NATD1: variants seen among roughly 807,000 people sequenced by gnomAD.
NATD1 encodes protein NATD1.
In NATD1, 9 loss-of-function variants were observed where a neutral mutation model predicts 12.0. That is an observed-to-expected ratio of 0.75 (90% CI 0.45 to 1.30). The LOEUF (loss-of-function observed/expected upper bound fraction) is 1.30, where lower values mean the gene tolerates loss of function less well. Among genes scored for constraint, NATD1 ranks in the 50% most tolerant of loss-of-function variants. The probability of loss-of-function intolerance (pLI) is 0.00; values close to 1 mark genes in which losing one functional copy is unlikely to be tolerated. For synonymous variants in NATD1, 71 were observed against 65.9 expected, an observed-to-expected ratio of 1.08 and a Z score of -0.37; for missense variants, 148 against 148.5, an observed-to-expected ratio of 1.00 and a Z score of 0.02.
rs1292806844 is a variant in NATD1 at position 21,244,337 on chromosome 17, C to T, written c.107-113G>A. The T allele has an allele frequency of 1.3e-6, 1 of 772,312 alleles. No homozygotes were observed. 47.8% of individuals were successfully genotyped at this position (772,312 alleles called of 1,614,324 possible). Reference sequence around the variant, plus strand: ...AGTCATTCAGCTGCTACAGCTGAATCCTGAATAACCTCTCAGTGCCTCAGT... The same window carrying T: ...AGTCATTCAGCTGCTACAGCTGAATTCTGAATAACCTCTCAGTGCCTCAGT... On this transcript the variant is annotated intron_variant, in intron 1 of 2. Coordinates refer to ENST00000611551, the MANE Select transcript of NATD1 (RefSeq NM_152914.3). The surrounding 1 kb of genome is among the most constrained non-coding windows in gnomAD (Gnocchi z 5.2).
rs1567643909 is a variant in NATD1 at position 21,240,703 on chromosome 17, T to TCTCGCCCAGGTGCATAAACCAGGG, written c.*2609_*2610insCCCTGGTTTATGCACCTGGGCGAG. 1.3e-5 allele frequency: 2 copies of TCTCGCCCAGGTGCATAAACCAGGG among 152,578 alleles called. No individual in the cohort carries two copies. The highest frequency in any genetic ancestry group is 4.8e-5 in the African/African-American group (2 of 41,440). 9.5% of individuals were successfully genotyped at this position (152,578 alleles called of 1,614,324 possible). A position where few individuals can be genotyped will look rare whatever the true frequency, so the allele number is the denominator to read the frequency against. On this transcript the variant is annotated 3_prime_UTR_variant, in exon 3 of 3. Coordinates refer to ENST00000611551, the MANE Select transcript of NATD1 (RefSeq NM_152914.3). The stretch of plus-strand genomic sequence containing the variant: ...TGAGCATCCCCTGCCCCAGTCAGGT[T>TCTCGCCCAGGTGCATAAACCAGGG]CTCGCCCAGGTGCATAAACCGGCCC...
rs577075927 is a variant in NATD1, at chr17:21,241,233, CTT to C, written c.*2078_*2079del. 3.3e-5 allele frequency: 5 copies of C among 152,262 alleles called. No homozygotes were observed. Among genetic ancestry groups the C allele is most frequent in the African/African-American group, 9.7e-5 (4 of 41,418 alleles). The allele number at this position is 152,262 out of a possible 1,614,324, so 9.4% of individuals were successfully genotyped here. A position where few individuals can be genotyped will look rare whatever the true frequency, so the allele number is the denominator to read the frequency against. ...CCTCAGGGGCTTCCTGTGGGGGACT[CTT>C]TGTGCTGTCACTGCAAGGGACCCTC... is the stretch of plus-strand genomic sequence containing the variant. On this transcript the variant is annotated 3_prime_UTR_variant, in exon 3 of 3. Coordinates refer to ENST00000611551, the MANE Select transcript of NATD1 (RefSeq NM_152914.3).
At chr17:21,243,692 G>A (rs1010946630) in intron 2 of NATD1, among the ~76,000 whole-genome samples, 1 of 152,194 alleles carries the variant, frequency 6.6e-6, no homozygotes, top group Admixed American at 6.5e-5. Context: ...TTCTCCTGGC[G>A]GGGTGGGGGT....
intron 1 of NATD1, among the ~76,000 whole-genome samples, chr17:21,247,104 T>G (rs1597784813): frequency 6.6e-6 from 1 of 152,264 alleles, no homozygotes; most frequent in South Asian, 2.1e-4. Context: ...GCGTCAGTGT[T>G]TCTGGAGTAG....
chr17:21,250,911 A>G (rs117490069), intron 1 of NATD1, among the ~76,000 whole-genome samples: 1 of 152,336 alleles, frequency 6.6e-6, no homozygotes, highest in Non-Finnish European at 1.5e-5. Context: ...TGGGCACAAC[A>G]GCACCAGCCT....
chr17:21,251,990 TC>T (rs1039687108), intron 1 of NATD1, among the ~76,000 whole-genome samples: 3 of 152,188 alleles, frequency 2.0e-5, no homozygotes, highest in African/African-American at 7.2e-5. Flanking sequence ...CTGTGGGACC[TC>T]CTGAGGGGGG....
intron 1 of NATD1, among the ~76,000 whole-genome samples, chr17:21,252,258 T>C (rs1975383169): frequency 7.0e-6 from 1 of 143,078 alleles, no homozygotes; most frequent in Non-Finnish European, 1.5e-5. Context: ...TGAGCCGAGA[T>C]TGTGTCACAG....
rs909403540 is a variant in NATD1, at chr17:21,244,996, G to C, written c.107-772C>G. On this transcript the variant is annotated intron_variant, in intron 1 of 2. Coordinates refer to ENST00000611551, the MANE Select transcript of NATD1 (RefSeq NM_152914.3). This position sits in a 1 kb window ranked among gnomAD's most constrained non-coding sequence, Gnocchi z 5.2. ...GCCCCAGGTACTGTTTCAGATGCTG[G>C]GAGTATAGCAACAAACAAGCTAGAC... 9.2e-5 allele frequency among the ~76,000 whole-genome samples: 14 copies of C among 152,126 alleles called. No individual in the cohort carries two copies. Among genetic ancestry groups the C allele is most frequent in the African/African-American group, 3.4e-4 (14 of 41,402 alleles).
chr17:21,239,040 G>C lies in NATD1; in HGVS notation c.*4273C>G, dbSNP rs1294713624. The stretch of plus-strand genomic sequence containing the variant: ...AGGGCATTGGATCTGGAAGGAGTGG[G>C]ACCCTGAGAATCGTAAAGGGATATT... On this transcript the variant is annotated 3_prime_UTR_variant, in exon 3 of 3. Transcript: ENST00000611551. The C allele has an allele frequency of 6.6e-6, 1 of 152,196 alleles. No individual in the cohort carries two copies. The highest frequency in any genetic ancestry group is 6.5e-5 in the Admixed American group (1 of 15,278). 9.4% of individuals were successfully genotyped at this position (152,196 alleles called of 1,614,324 possible).
At chr17:21,249,284 C>A (rs570826003) in intron 1 of NATD1, among the ~76,000 whole-genome samples, 1 of 152,260 alleles carries the variant, frequency 6.6e-6, no homozygotes, top group East Asian at 1.9e-4. Flanking sequence ...AGCTGTGGCA[C>A]GGGACAAGGA....
rs1349043739 is a variant in NATD1, at chr17:21,241,852, T to A, written c.*1461A>T. On this transcript the variant is annotated 3_prime_UTR_variant, in exon 3 of 3. Transcript: ENST00000611551. ...GTTGCTGGAGAAGGAATGTGGGGGG[T>A]CTCGGTGCCAAGACTGGGGATAGCA... is the stretch of plus-strand genomic sequence containing the variant. The A allele has an allele frequency of 1.3e-5, 2 of 149,864 alleles. No homozygotes were observed. The highest frequency in any genetic ancestry group is 3.0e-5 in the Non-Finnish European group (2 of 67,648). The allele number at this position is 149,864 out of a possible 1,614,324, so 9.3% of individuals were successfully genotyped here. A position where few individuals can be genotyped will look rare whatever the true frequency, so the allele number is the denominator to read the frequency against.
chr17:21,243,131 G>A lies in NATD1; in HGVS notation c.*182C>T, dbSNP rs1473315748. On this transcript the variant is annotated 3_prime_UTR_variant, in exon 3 of 3. Coordinates refer to ENST00000611551, the MANE Select transcript of NATD1 (RefSeq NM_152914.3). ...TGGCCTCCTTGCCGCCTCGGTTACC[G>A]GGTCACCGCCCATCATTGGTCAGCT... 6 of 556,744 alleles carry A rather than the reference G, an allele frequency of 1.1e-5. No homozygotes were observed. Among genetic ancestry groups the A allele is most frequent in the South Asian group, 6.9e-5 (3 of 43,352 alleles). 34.5% of individuals were successfully genotyped at this position (556,744 alleles called of 1,614,324 possible).
intron 1 of NATD1, among the ~76,000 whole-genome samples, chr17:21,249,477 C>T (rs1032338927): frequency 5.9e-5 from 9 of 152,270 alleles, no homozygotes; most frequent in African/African-American, 7.2e-5. Context: ...ACACAGCCAG[C>T]GGCCTCATAT....
rs748882013 is a variant in NATD1, at chr17:21,244,115, G to A, written c.216C>T (p.His72=). ...DAYRGRGIAK[H]LAKAALDFVV... is the part of the protein sequence containing the mutation. The stretch of plus-strand genomic sequence containing the variant: ...CACCTGCCTGCCCTACCTTGGCAAG[G>A]TGCTTGGCGATGCCACGCCCACGGT... The change falls in exon 2 of 3, where the codon CAC becomes CAT. Residue 72 remains histidine, a synonymous_variant. Coordinates refer to ENST00000611551, the MANE Select transcript of NATD1 (RefSeq NM_152914.3). The surrounding 1 kb of genome is among the most constrained non-coding windows in gnomAD (Gnocchi z 5.2). The A allele has an allele frequency of 2.5e-6, 4 of 1,611,912 alleles. No individual in the cohort carries two copies. The East Asian group carries it at 8.9e-5, about 36-fold the overall frequency.
Position 21,239,008 on chromosome 17 carries a change from A to G in NATD1, c.*4305T>C, listed in dbSNP as rs1975238320. 6.6e-6 allele frequency: 1 copy of G among 152,222 alleles called. No homozygotes were observed. The highest frequency in any genetic ancestry group is 2.4e-5 in the African/African-American group (1 of 41,454). 9.4% of individuals were successfully genotyped at this position (152,222 alleles called of 1,614,324 possible). A position where few individuals can be genotyped will look rare whatever the true frequency, so the allele number is the denominator to read the frequency against. On this transcript the variant is annotated 3_prime_UTR_variant, in exon 3 of 3. Coordinates refer to ENST00000611551, the MANE Select transcript of NATD1 (RefSeq NM_152914.3). ...CACAGCCTTGCCGGAACTCTTATGTAAAGTTTAGGGCATTGGATCTGGAAG... is the reference window on the plus strand; with the variant it reads ...CACAGCCTTGCCGGAACTCTTATGTGAAGTTTAGGGCATTGGATCTGGAAG...
intron 1 of NATD1, among the ~76,000 whole-genome samples, chr17:21,251,422 G>C (rs1421964943): frequency 6.6e-6 from 1 of 152,154 alleles, no homozygotes; most frequent in Non-Finnish European, 1.5e-5. Flanking sequence ...AAGCCATGAG[G>C]CCTCTCTCCC....
chr17:21,248,216 C>T (rs1476040938), intron 1 of NATD1, among the ~76,000 whole-genome samples: 1 of 152,168 alleles, frequency 6.6e-6, no homozygotes, highest in Non-Finnish European at 1.5e-5. Flanking sequence ...AAAGGCCACC[C>T]AGTCACAAGT....
intron 1 of NATD1, among the ~76,000 whole-genome samples, chr17:21,246,901 G>A (rs1442227509): frequency 2.6e-5 from 4 of 152,200 alleles, no homozygotes; most frequent in Non-Finnish European, 5.9e-5. Context: ...AGAGCAAGGA[G>A]GCCAGAGTGG....
In NATD1 at chr17:21,246,520, A is replaced by G. The variant is rs569629688; in HGVS notation, c.107-2296T>C. The stretch of plus-strand genomic sequence containing the variant: ...CAAGGGCAAAACTCCATCTCAAAAA[A>G]AAAAGAAAAAAAAAAAAAAAGCTGA... On this transcript the variant is annotated intron_variant, in intron 1 of 2. Coordinates refer to ENST00000611551, the MANE Select transcript of NATD1 (RefSeq NM_152914.3). Among the ~76,000 whole-genome samples, 126 of 147,918 alleles carry G rather than the reference A, an allele frequency of 8.5e-4. 2 individuals carry two copies. The highest frequency in any genetic ancestry group is 5.1e-4 in the Non-Finnish European group (34 of 66,160).
Sources: gnomAD v4.1 joint callset for allele counts (sites outside exome capture counted in the v4.1 genomes callset) on GRCh38, gnomAD v4.1.1 for gene constraint, Gnocchi (gnomAD v3.1) non-coding constraint, MANE v1.5 for transcripts, NCBI Gene and HGNC (gene_info 2026-07-23, HGNC 2026-07-21) for gene names.